The following KANK1 variants were observed in gnomAD, a reference collection of about 807,000 sequenced individuals.
The protein encoded by KANK1 is KN motif and ankyrin repeat domains 1.
A neutral mutation model predicts 106.2 loss-of-function variants in KANK1; 109 were observed. The ratio of observed to expected loss-of-function variants is 1.03; its 90% CI spans 0.88 to 1.20. The LOEUF (loss-of-function observed/expected upper bound fraction) is 1.20, where lower values mean the gene tolerates loss of function less well. Ranked by LOEUF, KANK1 falls within the 50% of genes most tolerant of loss-of-function variation. KANK1 has a pLI of 0.00. For missense variants in KANK1, 2,399 were observed against 1,710.7 expected, an observed-to-expected ratio of 1.40 and a Z score of -7.10; for synonymous variants, 873 against 652.2, an observed-to-expected ratio of 1.34 and a Z score of -5.16.
At chr9:571,025 T>C (rs1819014591) in intron 1 of KANK1, among the ~76,000 whole-genome samples, 1 of 152,188 alleles carries the variant, frequency 6.6e-6, no homozygotes, top group African/African-American at 2.4e-5. Context: ...AAAAAACTAC[T>C]CTAAAGATCC....
At chr9:490,839 C>G (rs756720725) in intron 3 of KANK1, among the ~76,000 whole-genome samples, 1 of 151,874 alleles carries the variant, frequency 6.6e-6, no homozygotes, top group African/African-American at 2.4e-5. Flanking sequence ...AGCTTATATT[C>G]TGACACAGGA....
intron 8 of KANK1, among the ~76,000 whole-genome samples, chr9:739,150 G>C (rs1834639975): frequency 6.6e-6 from 1 of 152,042 alleles, no homozygotes; most frequent in East Asian, 1.9e-4. Context: ...AGTGAGGGAG[G>C]GGCACATACA....
At chr9:658,966 C>T (rs1842731677) in intron 1 of KANK1, among the ~76,000 whole-genome samples, 1 of 152,168 alleles carries the variant, frequency 6.6e-6, no homozygotes, top group Non-Finnish European at 1.5e-5. Flanking sequence ...CCCTCAACTT[C>T]AGTCCTAAGG....
chr9:532,163 C>T (rs1016414051), intron 1 of KANK1, among the ~76,000 whole-genome samples: 24 of 151,302 alleles, frequency 1.6e-4, no homozygotes, highest in African/African-American at 5.3e-4. Flanking sequence ...TTAGGCATAA[C>T]GGTGAACAGA....
In KANK1 at chr9:601,921, C is replaced by G. The variant is rs574441709; in HGVS notation, c.-83-74969C>G. ...CCAATATCTGAGTACCAGACGTGCA[C>G]ATTGCAACTGGGGTGGCTTTTTGTC... On this transcript the variant is annotated intron_variant, in intron 1 of 11. Transcript: ENST00000382297. Among the ~76,000 whole-genome samples the G allele has an allele frequency of 1.1e-4, 17 of 151,936 alleles. 1 individual carries two copies. The highest frequency in any genetic ancestry group is 3.4e-3 in the Middle Eastern group (1 of 294).
At chr9:586,452 G>C (rs1279123597) in intron 1 of KANK1, among the ~76,000 whole-genome samples, 1 of 152,160 alleles carries the variant, frequency 6.6e-6, no homozygotes, top group Non-Finnish European at 1.5e-5. Flanking sequence ...TGATAGGAGT[G>C]AAAAAGAAGG....
At chr9:599,174 A>G (rs943513473) in intron 1 of KANK1, among the ~76,000 whole-genome samples, 1 of 150,332 alleles carries the variant, frequency 6.7e-6, no homozygotes. Context: ...ACACACCACC[A>G]TGCTTGACTA....
chr9:519,667 T>C (rs2059457567), intron 1 of KANK1, among the ~76,000 whole-genome samples: 1 of 151,794 alleles, frequency 6.6e-6, no homozygotes, highest in Non-Finnish European at 1.5e-5. Flanking sequence ...GCCAGGAGAC[T>C]GGTATGCCAG....
chr9:724,380 A>G (rs1830134583), intron 3 of KANK1, among the ~76,000 whole-genome samples: 1 of 152,206 alleles, frequency 6.6e-6, no homozygotes. Flanking sequence ...TTATTAAACT[A>G]TTATCTACTT....
At chr9:674,800 T>C (rs1425634928) in intron 1 of KANK1, among the ~76,000 whole-genome samples, 1 of 152,118 alleles carries the variant, frequency 6.6e-6, no homozygotes, top group Non-Finnish European at 1.5e-5. Context: ...GTCTCCCAGG[T>C]TCAAGTGGTT....
At chr9:645,324 C>T (rs1017368684) in intron 1 of KANK1, among the ~76,000 whole-genome samples, 1 of 147,956 alleles carries the variant, frequency 6.8e-6, no homozygotes, top group Non-Finnish European at 1.5e-5. Context: ...TCTGTAATCC[C>T]AGCTACTGAG....
In KANK1 at chr9:635,178, C is replaced by G. The variant is rs181109857; in HGVS notation, c.-83-41712C>G. 2.0e-5 allele frequency among the ~76,000 whole-genome samples: 3 copies of G among 152,276 alleles called. No individual in the cohort carries two copies. The East Asian group carries it at 5.8e-4, about 29-fold the overall frequency. ...TCCTTTTCTCCCTTTGTATGTCCCT[C>G]TTCCATCCTGACCTCATGGTGACCC... On this transcript the variant is annotated intron_variant, in intron 1 of 11. Coordinates refer to ENST00000382297, the MANE Select transcript of KANK1 (RefSeq NM_015158.5).
In KANK1 at chr9:511,081, CTCAATA is replaced by C. The variant is rs142938006; in HGVS notation, c.-84+6330_-84+6335del. On this transcript the variant is annotated intron_variant, in intron 1 of 11. Transcript: ENST00000382297. Reference sequence around the variant, plus strand: ...ATTAATAGGCAAAATGTTAGAAATACTCAATATCGATACAAAAGGTTCACTCTGGAA... The same window carrying C: ...ATTAATAGGCAAAATGTTAGAAATACTCGATACAAAAGGTTCACTCTGGAA... Among the ~76,000 whole-genome samples the C allele has an allele frequency of 5.0e-3, 761 of 152,084 alleles. 4 individuals are homozygous for C. Among genetic ancestry groups the C allele is most frequent in the African/African-American group, 0.016 (680 of 41,408 alleles).
chr9:493,028 CA>C (rs112780058), intron 3 of KANK1, among the ~76,000 whole-genome samples: 43,149 of 98,410 alleles, frequency 0.44, 11,790 homozygotes, highest in African/African-American at 0.79. Context: ...AACTCCGTCT[CA>C]AAAAAAAAAA....
chr9:696,017 G>T (rs1034163149), intron 2 of KANK1, among the ~76,000 whole-genome samples: 13 of 152,296 alleles, frequency 8.5e-5, no homozygotes, highest in African/African-American at 2.9e-4. Flanking sequence ...TGAGGGCCAG[G>T]CGCGGTGGCT....
intron 1 of KANK1, among the ~76,000 whole-genome samples, chr9:610,162 A>G (rs748289228): frequency 2.0e-5 from 3 of 152,200 alleles, no homozygotes; most frequent in Non-Finnish European, 4.4e-5. Flanking sequence ...CTTCCTTGCG[A>G]TAAGTTCACA....
At chr9:722,219 C>G (rs1829514517) in intron 3 of KANK1, among the ~76,000 whole-genome samples, 1 of 152,190 alleles carries the variant, frequency 6.6e-6, no homozygotes, top group African/African-American at 2.4e-5. Flanking sequence ...AATGAAAGCA[C>G]ACAAGGTTAG....
chr9:682,635 GAGA>G (rs1213273758), intron 2 of KANK1, among the ~76,000 whole-genome samples: 3 of 152,150 alleles, frequency 2.0e-5, no homozygotes, highest in Non-Finnish European at 4.4e-5. Flanking sequence ...TGATGTTGCA[GAGA>G]ACATCTTCCC....
chr9:572,578 A>G (rs1459817142), intron 1 of KANK1, among the ~76,000 whole-genome samples: 1 of 151,904 alleles, frequency 6.6e-6, no homozygotes, highest in Non-Finnish European at 1.5e-5. Context: ...TTTTGTAGAG[A>G]CAGGGTCTCG....
Sources: gnomAD v4.1 joint callset for allele counts (sites outside exome capture counted in the v4.1 genomes callset) on GRCh38, gnomAD v4.1.1 for gene constraint, MANE v1.5 for transcripts, NCBI Gene and HGNC (gene_info 2026-07-23, HGNC 2026-07-21) for gene names.